Variants in SCFD1 observed in about 807,000 individuals in gnomAD.
The protein encoded by SCFD1 is sec1 family domain containing 1, also known as sec1 family domain-containing protein 1.
In SCFD1, 37 loss-of-function variants were observed where a neutral mutation model predicts 103.2. The observed-to-expected ratio is 0.36, with a 90% CI of 0.28 to 0.47. The LOEUF is 0.47. SCFD1 is among the 20% of genes least tolerant of loss of function. The pLI, the probability that SCFD1 is intolerant of heterozygous loss-of-function variation, is 1.00. For missense variants in SCFD1, 639 were observed against 761.2 expected (o/e 0.84, Z 1.89); for synonymous variants, 264 against 245.0 (o/e 1.08, Z -0.73).
intron 14 of SCFD1, chr14:30,683,258 G>C (rs1889638622): frequency 1.9e-6 from 2 of 1,063,908 alleles, no homozygotes; most frequent in Non-Finnish European, 2.7e-6. Flanking sequence ...AGGATGTCCA[G>C]GCATATGTTA....
Position 30,733,066 on chromosome 14 carries a change from C to T in SCFD1, c.1837-1724C>T, listed in dbSNP as rs543599522. ...TCTCACCCAGGCTGGAGTGCAGTGG[C>T]GCAGTCTTGGCTCACTGCAACCTCT... is the stretch of plus-strand genomic sequence containing the variant. On this transcript the variant is annotated intron_variant, in intron 23 of 24. Transcript: ENST00000458591. Among the ~76,000 whole-genome samples, 24 of 150,034 alleles carry T rather than the reference C, an allele frequency of 1.6e-4. No homozygotes were observed. The South Asian group carries it at 3.2e-3, about 20-fold the overall frequency.
intron 10 of SCFD1, among the ~76,000 whole-genome samples, chr14:30,654,682 A>G (rs1006098382): frequency 5.9e-5 from 9 of 152,110 alleles, no homozygotes; most frequent in Non-Finnish European, 1.2e-4. Context: ...TCAAAAAAAA[A>G]AAAAAAAGGA....
At chr14:30,732,257 T>C (rs1893529093) in intron 23 of SCFD1, among the ~76,000 whole-genome samples, 1 of 152,238 alleles carries the variant, frequency 6.6e-6, no homozygotes, top group East Asian at 1.9e-4. Context: ...TATCTATTAA[T>C]AGAGATAGTT....
rs1489136122 is a variant in SCFD1, at chr14:30,638,186, G to A, written c.374G>A (p.Ser125Asn). The A allele has an allele frequency of 6.2e-7, 1 of 1,612,480 alleles. No homozygotes were observed. Among genetic ancestry groups the A allele is most frequent in the Admixed American group, 1.7e-5 (1 of 59,722 alleles). The change falls in exon 5 of 25, where the codon AGT becomes AAT. Residue 125 changes from serine (S) to asparagine (N), a missense_variant. By Grantham distance (46) the Ser-to-Asn change is conservative. Coordinates refer to ENST00000458591, the MANE Select transcript of SCFD1 (RefSeq NM_016106.4). ...AATTTTATTTCTGCTATTTCAAGAA[G>A]TAAACTGGAAGATATTGCAAATGCA... ...YLNFISAISR[S>N]KLEDIANAAL...
rs370775448 is a variant in SCFD1 at position 30,716,676 on chromosome 14, A to T, written c.1683+699A>T. ...AAACCCTGGTTTGAGTTTATCTAAA[A>T]CCCTATAGATTTGGCAGTGAGGCTT... On this transcript the variant is annotated intron_variant, in intron 20 of 24. Transcript: ENST00000458591. Among the ~76,000 whole-genome samples the T allele has an allele frequency of 2.9e-4, 44 of 152,252 alleles. No individual in the cohort carries two copies. The South Asian group carries it at 8.9e-3, about 31-fold the overall frequency.
rs1892251363 is a variant in SCFD1, at chr14:30,715,953, T to G, written c.1659T>G (p.Asn553Lys). Residue 553 changes from asparagine (N) to lysine (K), a missense_variant, in exon 20 of 25, where the codon AAT becomes AAG. Transcript: ENST00000458591. The part of the protein sequence containing the change: ...QNLPVTRILD[N>K]LMEMKSNPET... ...TACCTGTTACTCGTATTTTGGACAA[T>G]CTTATGGAGATGAAGTCAAACCCCG... is the stretch of plus-strand genomic sequence containing the variant. The G allele has an allele frequency of 2.6e-6, 4 of 1,567,476 alleles. No individual in the cohort carries two copies. Among genetic ancestry groups the G allele is most frequent in the Admixed American group, 1.8e-5 (1 of 54,234 alleles).
chr14:30,682,668 T>G (rs1889582041), intron 14 of SCFD1, among the ~76,000 whole-genome samples: 1 of 152,140 alleles, frequency 6.6e-6, no homozygotes, highest in Non-Finnish European at 1.5e-5. Flanking sequence ...CCATAGATGA[T>G]TATAATGCAG....
rs543636024 is a variant in SCFD1, at chr14:30,732,246, T to C, written c.1837-2544T>C. The stretch of plus-strand genomic sequence containing the variant: ...AGAAGTTTCTATATACAAGATCATG[T>C]TATCTATTAATAGAGATAGTTTTGC... On this transcript the variant is annotated intron_variant, in intron 23 of 24. Transcript: ENST00000458591. 2.6e-5 allele frequency among the ~76,000 whole-genome samples: 4 copies of C among 152,332 alleles called. No homozygotes were observed. In the South Asian group the frequency reaches 8.3e-4, roughly 32 times the overall value.
At chr14:30,668,434 A>G (rs1292698654) in intron 10 of SCFD1, among the ~76,000 whole-genome samples, 1 of 152,190 alleles carries the variant, frequency 6.6e-6, no homozygotes, top group African/African-American at 2.4e-5. Flanking sequence ...TAGACCTAAA[A>G]CCATAAAAAC....
chr14:30,650,548 A>G lies in SCFD1; in HGVS notation c.670-17A>G. On this transcript the variant is annotated splice_polypyrimidine_tract_variant and intron_variant, in intron 8 of 24. Coordinates refer to ENST00000458591, the MANE Select transcript of SCFD1 (RefSeq NM_016106.4). ...ATATGAAACTGTTAAGAGTTAATCT[A>G]AAATTTTATTTTTCAGAAACTAGAC... 6.8e-7 allele frequency: 1 copy of G among 1,477,200 alleles called. No homozygotes were observed. Among genetic ancestry groups the G allele is most frequent in the Non-Finnish European group, 9.5e-7 (1 of 1,057,842 alleles). The allele number at this position is 1,477,200 out of a possible 1,614,324, so 91.5% of individuals were successfully genotyped here.
intron 8 of SCFD1, among the ~76,000 whole-genome samples, chr14:30,649,786 T>C (rs548925991): frequency 6.6e-6 from 1 of 152,318 alleles, no homozygotes; most frequent in South Asian, 2.1e-4. Flanking sequence ...GTAAAATTAT[T>C]TACTCCGGTG....
At position 30,665,628 on chromosome 14, in the gene SCFD1, G is replaced by A. The variant is rs543624875; in HGVS notation, c.856-4628G>A. Among the ~76,000 whole-genome samples the A allele has an allele frequency of 4.0e-4, 61 of 152,260 alleles. 1 individual carries two copies. Among genetic ancestry groups the A allele is most frequent in the African/African-American group, 1.1e-3 (44 of 41,534 alleles). ...GGATAAAGAGTCAAGACCCATCAGT[G>A]TGCTGTATTCAGGAGACCCATCACA... On this transcript the variant is annotated intron_variant, in intron 10 of 24. Coordinates refer to ENST00000458591, the MANE Select transcript of SCFD1 (RefSeq NM_016106.4).
chr14:30,635,149 A>T (rs923005377), intron 4 of SCFD1: 11 of 356,904 alleles, frequency 3.1e-5, no homozygotes, highest in African/African-American at 2.1e-4. Context: ...TAGCTTTATG[A>T]TGCCCAGCTT....
At chr14:30,644,215 T>C (rs766491993) in intron 7 of SCFD1, among the ~76,000 whole-genome samples, 4 of 152,236 alleles carry the variant, frequency 2.6e-5, no homozygotes, top group Non-Finnish European at 5.9e-5. Flanking sequence ...TTCCATGATG[T>C]ATGTGTATCA....
At chr14:30,720,784 A>C (rs1256514119) in intron 21 of SCFD1, among the ~76,000 whole-genome samples, 1 of 152,168 alleles carries the variant, frequency 6.6e-6, no homozygotes, top group Non-Finnish European at 1.5e-5. Context: ...ATTTTACATA[A>C]GGTACTTGAG....
At chr14:30,671,154 C>T (rs1052884147) in intron 11 of SCFD1, among the ~76,000 whole-genome samples, 1 of 151,944 alleles carries the variant, frequency 6.6e-6, no homozygotes, top group Non-Finnish European at 1.5e-5. Flanking sequence ...AAAGAGAAGT[C>T]GAATATAGAC....
At chr14:30,636,034 G>A (rs1884689750) in intron 4 of SCFD1, among the ~76,000 whole-genome samples, 2 of 151,928 alleles carry the variant, frequency 1.3e-5, no homozygotes, top group South Asian at 4.2e-4. Context: ...ATGCTTATTG[G>A]CCATTTGTAT....
At position 30,673,941 on chromosome 14, in the gene SCFD1, T is replaced by C; in HGVS notation, c.1104T>C (p.Asp368=). 1 of 1,613,648 alleles carries C rather than the reference T, an allele frequency of 6.2e-7. No individual in the cohort carries two copies. The highest frequency in any genetic ancestry group is 1.7e-5 in the Admixed American group (1 of 60,004). The change falls in exon 13 of 25, where the codon GAT becomes GAC. Residue 368 remains aspartate (D), a synonymous_variant. Transcript: ENST00000458591. Reference sequence around the variant, plus strand: ...TTTACAAGGGACTAGAAGGGGAAGATGAAGGAGCCATAAGTATGCTTTCTG... The same window carrying C: ...TTTACAAGGGACTAGAAGGGGAAGACGAAGGAGCCATAAGTATGCTTTCTG... ...LKSIMGLEGE[D]EGAISMLSDN...
chr14:30,651,958 A>G (rs1886433606), intron 9 of SCFD1, among the ~76,000 whole-genome samples: 1 of 152,172 alleles, frequency 6.6e-6, no homozygotes, highest in Non-Finnish European at 1.5e-5. Flanking sequence ...ACATCCTATA[A>G]TGCACACCAC....
Sources: gnomAD v4.1 joint callset for allele counts (sites outside exome capture counted in the v4.1 genomes callset) on GRCh38, gnomAD v4.1.1 for gene constraint, MANE v1.5 for transcripts, NCBI Gene and HGNC (gene_info 2026-07-23, HGNC 2026-07-21) for gene names.